The following PCNX2 variants were observed in gnomAD, a reference collection of about 807,000 sequenced individuals.
The protein encoded by PCNX2 is pecanex-like protein 2.
In PCNX2, 168 loss-of-function variants were observed where a neutral mutation model predicts 223.8. The ratio of observed to expected loss-of-function variants is 0.75; its 90% CI spans 0.66 to 0.85. The LOEUF (loss-of-function observed/expected upper bound fraction) is 0.85. Ranked by LOEUF, PCNX2 falls within the 40% of genes least tolerant of loss-of-function variation. The pLI, the probability that PCNX2 is intolerant of heterozygous loss-of-function variation, is 0.00. For synonymous variants in PCNX2, 1,006 were observed against 1,052.6 expected (o/e 0.96, Z 0.86); for missense variants, 2,507 against 2,675.5 (o/e 0.94, Z 1.39).
At chr1:233,036,701 T>C (rs1457914865) in intron 25 of PCNX2, among the ~76,000 whole-genome samples, 1 of 152,202 alleles carries the variant, frequency 6.6e-6, no homozygotes, top group Non-Finnish European at 1.5e-5. Flanking sequence ...ATAAAATTCA[T>C]GCAGAGATTT....
chr1:233,004,857 C>T (rs778842688), intron 28 of PCNX2, among the ~76,000 whole-genome samples: 1 of 152,152 alleles, frequency 6.6e-6, no homozygotes, highest in Non-Finnish European at 1.5e-5. Context: ...ACAGGAACAG[C>T]CAGGGGCTGG....
intron 28 of PCNX2, among the ~76,000 whole-genome samples, chr1:233,004,081 A>G (rs1028685454): frequency 6.6e-5 from 10 of 152,086 alleles, no homozygotes; most frequent in Admixed American, 6.6e-4. Flanking sequence ...GCAGCAAACC[A>G]CCATGGTACG....
In PCNX2 at chr1:233,001,655, T is replaced by G. The variant is rs377750796; in HGVS notation, c.4979A>C (p.His1660Pro). ...TCTGAAGTCACCTTTGAAGAGGACA[T>G]GGAGGCCATACAGGAAAGAATCCAG... is the stretch of plus-strand genomic sequence containing the variant. The part of the protein sequence containing the change: ...ISLDSFLYGL[H>P]VLFKGDFRIT... The change falls in exon 29 of 34, where the codon CAT (histidine) becomes CCT (proline). Residue 1660 changes from histidine (H) to proline (P), a missense_variant. Physicochemically the swap from His to Pro is moderately conservative, Grantham distance 77. This residue lies in a region of PCNX2 where 1,372 missense variants were observed against 1,509.4 expected (regional missense o/e 0.91). Transcript: ENST00000258229. This position sits in a 1 kb window ranked among gnomAD's most constrained non-coding sequence, Gnocchi z 4.2. 1.9e-6 allele frequency: 3 copies of G among 1,591,388 alleles called. No individual in the cohort carries two copies. Among genetic ancestry groups the G allele is most frequent in the Non-Finnish European group, 2.6e-6 (3 of 1,166,974 alleles).
At chr1:232,986,893 G>T (rs1002917028) in intron 32 of PCNX2, among the ~76,000 whole-genome samples, 14 of 152,218 alleles carry the variant, frequency 9.2e-5, no homozygotes, top group African/African-American at 3.1e-4. Flanking sequence ...TACTTCAGGC[G>T]AACCAGGACA....
Position 233,236,914 on chromosome 1 carries a change from A to C in PCNX2, c.2289T>G (p.Pro763=). Residue 763 remains proline, a synonymous_variant, in exon 9 of 34, where the codon CCT becomes CCG. Transcript: ENST00000258229. ...SESQDPSSGD[P]AVSALQQQLL... is the part of the protein sequence containing the mutation. ...GCTGTTGCTGAAGGGCACTGACGGCAGGGTCCCCAGAAGACGGATCTTGAC... is the reference window on the plus strand; with the variant it reads ...GCTGTTGCTGAAGGGCACTGACGGCCGGGTCCCCAGAAGACGGATCTTGAC... 1.2e-6 allele frequency: 2 copies of C among 1,614,020 alleles called. No individual in the cohort carries two copies. Among genetic ancestry groups the C allele is most frequent in the Non-Finnish European group, 1.7e-6 (2 of 1,179,864 alleles).
rs370423777 is a variant in PCNX2 at position 233,265,057 on chromosome 1, G to A, written c.154-1894C>T. Among the ~76,000 whole-genome samples the A allele has an allele frequency of 3.3e-5, 5 of 151,478 alleles. No homozygotes were observed. The South Asian group carries it at 1.1e-3, about 32-fold the overall frequency. On this transcript the variant is annotated intron_variant, in intron 1 of 33. Transcript: ENST00000258229. ...GTTCAAGAGCAGCCTGGGCAACATAGTGAGACCCCCCCTCCGATCTCTACA... is the reference window on the plus strand; with the variant it reads ...GTTCAAGAGCAGCCTGGGCAACATAATGAGACCCCCCCTCCGATCTCTACA...
intron 23 of PCNX2, among the ~76,000 whole-genome samples, chr1:233,088,734 T>C (rs1008079668): frequency 7.9e-5 from 12 of 152,220 alleles, no homozygotes; most frequent in Admixed American, 1.3e-4. Context: ...AAATGTGAGA[T>C]TGTCTGAAGG....
At chr1:232,998,984 GT>G in intron 31 of PCNX2, 120 bp downstream of exon 31, 1 of 1,176,786 alleles carries the variant, frequency 8.5e-7, no homozygotes, top group Admixed American at 2.8e-5. Flanking sequence ...GGGGGTAGCA[GT>G]TTTAATCATA....
chr1:233,182,729 CTCCAT>C (rs10535320), intron 15 of PCNX2, among the ~76,000 whole-genome samples: 8,925 of 152,028 alleles, frequency 0.059, 498 homozygotes, highest in East Asian at 0.3. Context: ...TCTGTCCTGA[CTCCAT>C]TCCATTCCAT....
intron 12 of PCNX2, among the ~76,000 whole-genome samples, chr1:233,210,301 G>A (rs769036531): frequency 1.3e-4 from 19 of 151,796 alleles, no homozygotes; most frequent in Non-Finnish European, 2.4e-4. Context: ...TTTTGAGACC[G>A]AGTCTCACTC....
chr1:233,090,864 T>TCAA (rs1673837187), intron 22 of PCNX2, among the ~76,000 whole-genome samples: 1 of 152,246 alleles, frequency 6.6e-6, no homozygotes, highest in Non-Finnish European at 1.5e-5. Flanking sequence ...CACACCTTGC[T>TCAA]TGATCAAAGA....
In PCNX2 at chr1:233,258,641, C is replaced by T. The variant is rs769134033; in HGVS notation, c.1221G>A (p.Lys407=). 3 of 1,613,980 alleles carry T rather than the reference C, an allele frequency of 1.9e-6. No individual in the cohort carries two copies. The highest frequency in any genetic ancestry group is 1.3e-5 in the African/African-American group (1 of 75,052). Residue 407 remains lysine (K), a synonymous_variant, in exon 5 of 34, where the codon AAG becomes AAA. Coordinates refer to ENST00000258229, the MANE Select transcript of PCNX2 (RefSeq NM_014801.4). ...RVVGTEKTSV[K]SDAEPTNPGA... Reference sequence around the variant, plus strand: ...CTGGGTTAGTGGGCTCAGCGTCAGACTTTACACTGGTCTTCTCTGTGCCAA... The same window carrying T: ...CTGGGTTAGTGGGCTCAGCGTCAGATTTTACACTGGTCTTCTCTGTGCCAA...
chr1:233,172,765 G>C (rs758327995), intron 17 of PCNX2, among the ~76,000 whole-genome samples: 3 of 152,174 alleles, frequency 2.0e-5, no homozygotes, highest in Non-Finnish European at 4.4e-5. Context: ...ATTTTGTCAG[G>C]TTTTGTTACA....
chr1:233,155,190 G>C (rs918598883), intron 19 of PCNX2, among the ~76,000 whole-genome samples: 3 of 151,910 alleles, frequency 2.0e-5, no homozygotes, highest in Admixed American at 6.6e-5. Context: ...TCCTGGGCTC[G>C]AGTGATCTTC....
intron 21 of PCNX2, among the ~76,000 whole-genome samples, chr1:233,104,356 CA>C (rs746968589): frequency 6.6e-6 from 1 of 151,762 alleles, no homozygotes; most frequent in Non-Finnish European, 1.5e-5. Flanking sequence ...ACATTTTTAC[CA>C]AAATAAAGTT....
At chr1:233,282,367 C>T (rs1043154002) in intron 1 of PCNX2, among the ~76,000 whole-genome samples, 2 of 152,268 alleles carry the variant, frequency 1.3e-5, no homozygotes, top group African/African-American at 4.8e-5. Flanking sequence ...GTATCCCTAG[C>T]TTAGATTGTT....
intron 23 of PCNX2, among the ~76,000 whole-genome samples, chr1:233,067,200 A>T (rs1173613601): frequency 6.6e-6 from 1 of 151,890 alleles, no homozygotes; most frequent in African/African-American, 2.4e-5. Flanking sequence ...AAAAGTACTT[A>T]CAATCAGAAA....
chr1:233,291,859 T>C, intron 1 of PCNX2: 2 of 984,714 alleles, frequency 2.0e-6, no homozygotes, highest in Non-Finnish European at 2.4e-6. Context: ...TTGGGAACTG[T>C]GTATTTGACA....
chr1:233,274,208 C>T (rs188725727), intron 1 of PCNX2, among the ~76,000 whole-genome samples: 160 of 152,296 alleles, frequency 1.1e-3, no homozygotes, highest in African/African-American at 3.6e-3. Context: ...ACTAATATTA[C>T]ATAACAGTCA....
Sources: allele counts gnomAD v4.1 joint callset (sites outside exome capture counted in the v4.1 genomes callset), GRCh38; gene constraint gnomAD v4.1.1; regional missense constraint gnomAD v4.1.1; non-coding constraint Gnocchi (gnomAD v3.1); transcripts MANE v1.5; gene names NCBI Gene and HGNC (gene_info 2026-07-23, HGNC 2026-07-21).